Variants in PHTF2 observed in about 807,000 individuals in gnomAD.
PHTF2 encodes the protein protein PHTF2.
PHTF2 carries 60 observed loss-of-function variants against 101.2 expected under a neutral mutation model. The ratio of observed to expected loss-of-function variants is 0.59; its 90% confidence interval spans 0.48 to 0.73. The LOEUF is 0.73. PHTF2 is among the 30% of genes least tolerant of loss of function. The probability of loss-of-function intolerance (pLI) is 0.00; values close to 1 mark genes in which losing one functional copy is unlikely to be tolerated. For synonymous variants in PHTF2, 311 were observed against 307.3 expected (o/e 1.01, Z -0.13); for missense variants, 747 against 908.7 (o/e 0.82, Z 2.29).
intron 1 of PHTF2, among the ~76,000 whole-genome samples, chr7:77,806,179 G>A (rs1412004944): frequency 6.8e-6 from 1 of 146,104 alleles, no homozygotes; most frequent in Admixed American, 6.8e-5. Context: ...AAAAAAAAAA[G>A]TCAAGTCAAG....
intron 9 of PHTF2, among the ~76,000 whole-genome samples, chr7:77,919,328 C>A (rs190997069): frequency 6.6e-6 from 1 of 152,086 alleles, no homozygotes; most frequent in Admixed American, 6.6e-5. Context: ...TGGTTTTTGA[C>A]CTAACTGAAG....
intron 5 of PHTF2, 76 bp downstream of exon 4, chr7:77,894,069 G>T: frequency 9.2e-7 from 1 of 1,085,780 alleles, no homozygotes; most frequent in Non-Finnish European, 1.4e-6. Flanking sequence ...TCTGCTTTTT[G>T]GTGCTACTAA....
exon 20 of PHTF2, chr7:77,955,892 A>T (rs1806964174): frequency 6.6e-6 from 1 of 152,376 alleles, no homozygotes; most frequent in South Asian, 2.1e-4. Flanking sequence ...CAGAAAAGAC[A>T]GCTTCAGCTT....
At chr7:77,843,103 T>C (rs1042050263) in intron 2 of PHTF2, among the ~76,000 whole-genome samples, 9 of 152,228 alleles carry the variant, frequency 5.9e-5, no homozygotes, top group African/African-American at 9.7e-5. Flanking sequence ...ATGTTACTTG[T>C]TGACTTCTGA....
intron 17 of PHTF2, among the ~76,000 whole-genome samples, chr7:77,951,238 A>G (rs115857626): frequency 0.021 from 3,158 of 152,296 alleles, 90 homozygotes; most frequent in African/African-American, 0.071. Context: ...CAGGATTTCA[A>G]TACCAGCCTG....
At chr7:77,841,545 A>G (rs560963383) in intron 2 of PHTF2, among the ~76,000 whole-genome samples, 32 of 152,240 alleles carry the variant, frequency 2.1e-4, no homozygotes, top group African/African-American at 7.5e-4. Flanking sequence ...GCTCACTGCA[A>G]CCTTAACCTC....
intron 5 of PHTF2, among the ~76,000 whole-genome samples, chr7:77,897,844 C>T (rs1801012279): frequency 6.6e-6 from 1 of 152,098 alleles, no homozygotes; most frequent in South Asian, 2.1e-4. Context: ...CCACGCCTGA[C>T]TAATTTTTGT....
intron 12 of PHTF2, 101 bp from the exon 12 acceptor site, chr7:77,937,609 A>G: frequency 2.6e-6 from 1 of 384,014 alleles, no homozygotes. Context: ...AGTGTCATTA[A>G]AATTGTGTGT....
intron 1 of PHTF2, among the ~76,000 whole-genome samples, chr7:77,811,702 A>G (rs1793455683): frequency 6.6e-6 from 1 of 152,216 alleles, no homozygotes; most frequent in South Asian, 2.1e-4. Flanking sequence ...GATATTCCAT[A>G]ATCATCTGGT....
At chr7:77,887,435 T>A (rs187060919) in intron 3 of PHTF2, among the ~76,000 whole-genome samples, 13 of 152,162 alleles carry the variant, frequency 8.5e-5, no homozygotes, top group East Asian at 5.8e-4. Flanking sequence ...TGTTTTTTTT[T>A]AAATCAGTTT....
At chr7:77,908,990 C>T in intron 8 of PHTF2, 32 bp downstream of exon 7, 1 of 1,424,484 alleles carries the variant, frequency 7.0e-7, no homozygotes, top group Non-Finnish European at 9.7e-7. Context: ...TCTTTTTGTA[C>T]ATTTATGTAA....
chr7:77,854,706 A>C lies in PHTF2; in HGVS notation c.46-27A>C. ...CAAGCCACAAGACAAAGTTTTTTGC[A>C]CTCTTCTTTCTCCTTTGCTCATGTA... On this transcript the variant is annotated intron_variant, in intron 2 of 19. Transcript: ENST00000416283. 3 of 702,314 alleles carry C rather than the reference A, an allele frequency of 4.3e-6. No homozygotes were observed. In the Admixed American group the frequency reaches 6.0e-5, roughly 14 times the overall value. The allele number at this position is 702,314 out of a possible 1,614,324, so 43.5% of individuals were successfully genotyped here.
intron 1 of PHTF2, among the ~76,000 whole-genome samples, chr7:77,835,472 A>T (rs118118606): frequency 0.012 from 1,855 of 152,288 alleles, 15 homozygotes; most frequent in Middle Eastern, 0.027. Context: ...TTTGTTTCAG[A>T]ATAATGAGAG....
At chr7:77,903,176 G>A (rs1801552794) in intron 7 of PHTF2, among the ~76,000 whole-genome samples, 1 of 151,926 alleles carries the variant, frequency 6.6e-6, no homozygotes, top group Non-Finnish European at 1.5e-5. Flanking sequence ...TCAATATTGG[G>A]CAGTTAAGCT....
chr7:77,876,185 G>A (rs142457392), intron 3 of PHTF2, among the ~76,000 whole-genome samples: 1 of 152,240 alleles, frequency 6.6e-6, no homozygotes, highest in East Asian at 1.9e-4. Context: ...GTTCTTAGGT[G>A]GTTGAGAGAA....
chr7:77,902,344 A>G lies in PHTF2; in HGVS notation c.445+424A>G, dbSNP rs556643269. On this transcript the variant is annotated intron_variant, in intron 7 of 19. Transcript: ENST00000416283. ...TTTATCAAAATTCTGTATACCGTGC[A>G]CTCTGCTAGGTGCTTTCTAGATTCT... Among the ~76,000 whole-genome samples, 11 of 152,154 alleles carry G rather than the reference A, an allele frequency of 7.2e-5. No individual in the cohort carries two copies. In the South Asian group the frequency reaches 2.3e-3, roughly 32 times the overall value.
At chr7:77,942,939 C>A (rs1805749232) in intron 16 of PHTF2, among the ~76,000 whole-genome samples, 153 bp downstream of exon 15, 1 of 152,116 alleles carries the variant, frequency 6.6e-6, no homozygotes, top group African/African-American at 2.4e-5. Context: ...TAAATAAGTG[C>A]ATCTTATCTC....
At chr7:77,890,698 C>T (rs986734462) in intron 3 of PHTF2, among the ~76,000 whole-genome samples, 13 of 150,216 alleles carry the variant, frequency 8.7e-5, no homozygotes, top group Admixed American at 2.0e-4. Flanking sequence ...CTCCGCCTCC[C>T]GGGTTCACGC....
chr7:77,924,239 T>G (rs1364928152), intron 11 of PHTF2: 1 of 539,554 alleles, frequency 1.9e-6, no homozygotes, highest in Non-Finnish European at 2.4e-6. Flanking sequence ...TTTTATAAAT[T>G]ACTGTACTCT....
Sources: gnomAD v4.1 joint callset for allele counts (sites outside exome capture counted in the v4.1 genomes callset) on GRCh38, gnomAD v4.1.1 for gene constraint, MANE v1.5 for transcripts, NCBI Gene and HGNC (gene_info 2026-07-23, HGNC 2026-07-21) for gene names.